Variants in TP53I3 observed in about 807,000 individuals in gnomAD.
TP53I3 encodes quinone oxidoreductase PIG3.
In TP53I3, 32 loss-of-function variants were observed where a neutral mutation model predicts 27.7. The ratio of observed to expected loss-of-function variants is 1.16; its 90% CI spans 0.87 to 1.55. The LOEUF (loss-of-function observed/expected upper bound fraction) is 1.55. Among genes scored for constraint, TP53I3 ranks in the 40% most tolerant of loss-of-function variants. The pLI is 0.00. For missense variants in TP53I3, 372 were observed against 412.3 expected (o/e 0.90, Z 0.85); for synonymous variants, 138 against 167.8 (o/e 0.82, Z 1.37).
Position 24,080,762 on chromosome 2 carries a change from G to C in TP53I3, c.619+57C>G. 1 of 1,605,076 alleles carries C rather than the reference G, an allele frequency of 6.2e-7. No homozygotes were observed. The highest frequency in any genetic ancestry group is 8.5e-7 in the Non-Finnish European group (1 of 1,173,104). ...AGCACTGGCAACTTTGAGACTGGTG[G>C]GGCTTTTATTTAATCATCTCTTAAA... On this transcript the variant is annotated intron_variant, in intron 3 of 4. Transcript: ENST00000238721. The surrounding 1 kb of genome is among the most constrained non-coding windows in gnomAD (Gnocchi z 4.7).
Position 24,084,289 on chromosome 2 carries a change from T to A in TP53I3, c.38A>T (p.Glu13Val). 6.2e-7 allele frequency: 1 copy of A among 1,614,126 alleles called. No individual in the cohort carries two copies. Among genetic ancestry groups the A allele is most frequent in the Middle Eastern group, 1.7e-4 (1 of 6,058 alleles). Residue 13 changes from glutamate (E) to valine (V), a missense_variant, in exon 1 of 5, where the codon GAA becomes GTA. By Grantham distance (121) the Glu-to-Val change is moderately radical (BLOSUM62 -2). Coordinates refer to ENST00000238721, the MANE Select transcript of TP53I3 (RefSeq NM_004881.5). This position sits in a 1 kb window ranked among gnomAD's most constrained non-coding sequence, Gnocchi z 8.4. ...GGCCACCTCCTTCACGTAGAGGTTT[T>A]CCGGTCCTCCCGGCTTGTCAAAGTG... Reference protein sequence around the residue: ...AVHFDKPGGPENLYVKEVAKP... With the variant: ...AVHFDKPGGPVNLYVKEVAKP...
chr2:24,077,762 C>T lies in TP53I3; in HGVS notation c.817-1G>A, dbSNP rs1664820689. 3 of 1,612,056 alleles carry T rather than the reference C, an allele frequency of 1.9e-6. No homozygotes were observed. The African/African-American group carries it at 4.0e-5, about 22-fold the overall frequency. ...AAGCATTCACCAGCATTTGCTTGTA[C>T]TAAGACAAGGGAAAGGAGATCATCA... On this transcript the variant is annotated splice_acceptor_variant, in intron 4 of 4. Coordinates refer to ENST00000238721, the MANE Select transcript of TP53I3 (RefSeq NM_004881.5). LOFTEE classifies it high-confidence loss of function. The surrounding 1 kb of genome is among the most constrained non-coding windows in gnomAD (Gnocchi z 5.5).
rs1558362467 is a variant in TP53I3 at position 24,084,207 on chromosome 2, G to C, written c.120C>G (p.Asn40Lys). ...VLLKVAASAL[N>K]RADLMQRQGQ... ...TGGGTACCTGCATTAAGTCCGCCCG[G>C]TTCAGGGCGCTGGCCGCCACCTTCA... The change falls in exon 1 of 5, where the codon AAC becomes AAG. Residue 40 changes from asparagine (N) to lysine (K), a missense_variant. Coordinates refer to ENST00000238721, the MANE Select transcript of TP53I3 (RefSeq NM_004881.5). This position sits in a 1 kb window ranked among gnomAD's most constrained non-coding sequence, Gnocchi z 8.4. The C allele has an allele frequency of 6.2e-7, 1 of 1,613,368 alleles. No individual in the cohort carries two copies. The highest frequency in any genetic ancestry group is 8.5e-7 in the Non-Finnish European group (1 of 1,179,808).
chr2:24,079,295 T>C, intron 4 of TP53I3, 149 bp downstream of exon 4: 2 of 749,064 alleles, frequency 2.7e-6, no homozygotes, highest in Non-Finnish European at 4.3e-6. Context: ...TTCTCTGAAA[T>C]CGGGTTCCCT....
At position 24,083,172 on chromosome 2, in the gene TP53I3, C is replaced by G. The variant is rs750128704; in HGVS notation, c.139-20G>C. The G allele has an allele frequency of 7.0e-6, 11 of 1,579,788 alleles. No individual in the cohort carries two copies. The highest frequency in any genetic ancestry group is 9.5e-6 in the Non-Finnish European group (11 of 1,158,116). ...TTGTCTCTGCAGAGAAAGAAGTGCA[C>G]TAAGTGGTGAGCATGATCAGAAATC... On this transcript the variant is annotated intron_variant, in intron 1 of 4. Transcript: ENST00000238721.
At chr2:24,079,339 A>G in intron 4 of TP53I3, 105 bp downstream of exon 4, 1 of 1,286,032 alleles carries the variant, frequency 7.8e-7, no homozygotes, top group Non-Finnish European at 1.1e-6. Context: ...TCTTCATAGA[A>G]ACTAACCTCC....
At chr2:24,078,480 TAAAAAA>T (rs36089798) in intron 4 of TP53I3, among the ~76,000 whole-genome samples, 2 of 104,954 alleles carry the variant, frequency 1.9e-5, no homozygotes, top group Non-Finnish European at 1.9e-5. Flanking sequence ...CCTGTCTCCA[TAAAAAA>T]AAAAAAAAAA....
At position 24,083,810 on chromosome 2, in the gene TP53I3, C is replaced by T. The variant is rs557394148; in HGVS notation, c.138+379G>A. 9.2e-5 allele frequency among the ~76,000 whole-genome samples: 14 copies of T among 152,286 alleles called. No individual in the cohort carries two copies. The East Asian group carries it at 2.5e-3, about 27-fold the overall frequency. On this transcript the variant is annotated intron_variant, in intron 1 of 4. Transcript: ENST00000238721. ...GACCTCAGCTTGAATCCCAGCTCTT[C>T]TGATTGCTAGTGTCACGGCCTTGGG...
At position 24,077,772 on chromosome 2, in the gene TP53I3, G is replaced by A. The variant is rs745891530; in HGVS notation, c.817-11C>T. On this transcript the variant is annotated splice_polypyrimidine_tract_variant and intron_variant, in intron 4 of 4. Coordinates refer to ENST00000238721, the MANE Select transcript of TP53I3 (RefSeq NM_004881.5). This position sits in a 1 kb window ranked among gnomAD's most constrained non-coding sequence, Gnocchi z 5.5. ...CAGCATTTGCTTGTACTAAGACAAG[G>A]GAAAGGAGATCATCAGCCTGGGGAG... The A allele has an allele frequency of 1.2e-6, 2 of 1,608,494 alleles. No individual in the cohort carries two copies. Among genetic ancestry groups the A allele is most frequent in the African/African-American group, 1.3e-5 (1 of 74,908 alleles).
chr2:24,077,443 CTCTT>C lies in TP53I3; in HGVS notation c.*132_*135del, dbSNP rs1248618097. On this transcript the variant is annotated 3_prime_UTR_variant, in exon 5 of 5. Coordinates refer to ENST00000238721, the MANE Select transcript of TP53I3 (RefSeq NM_004881.5). The surrounding 1 kb of genome is among the most constrained non-coding windows in gnomAD (Gnocchi z 5.5). ...GTCCGCGTGCCACCCTTCCAGTTCA[CTCTT>C]TATTTCCTCATATCAGCTTTAAACG... The C allele has an allele frequency of 2.9e-5, 32 of 1,094,710 alleles. No homozygotes were observed. The highest frequency in any genetic ancestry group is 3.7e-5 in the Non-Finnish European group (30 of 810,824). 67.8% of individuals were successfully genotyped at this position (1,094,710 alleles called of 1,614,324 possible).
intron 4 of TP53I3, chr2:24,078,905 G>A (rs1026314229): frequency 2.6e-5 from 4 of 152,018 alleles, no homozygotes; most frequent in African/African-American, 9.7e-5. Flanking sequence ...ATGAGGTTTT[G>A]CTATGTTGCT....
chr2:24,079,363 G>C, intron 4 of TP53I3, 81 bp downstream of exon 4: 1 of 1,477,852 alleles, frequency 6.8e-7, no homozygotes, highest in Non-Finnish European at 9.3e-7. Flanking sequence ...ATCTAAGGTA[G>C]AGCTTCCTTT....
chr2:24,079,270 A>G lies in TP53I3; in HGVS notation c.816+174T>C, dbSNP rs943564738. On this transcript the variant is annotated intron_variant, in intron 4 of 4. Coordinates refer to ENST00000238721, the MANE Select transcript of TP53I3 (RefSeq NM_004881.5). ...TTTCATGATACTGAAGCTTCTATCAACCAATCTGAATCAGTTCTCTGAAAT... is the reference window on the plus strand; with the variant it reads ...TTTCATGATACTGAAGCTTCTATCAGCCAATCTGAATCAGTTCTCTGAAAT... 7.9e-6 allele frequency: 5 copies of G among 633,250 alleles called. No individual in the cohort carries two copies. The African/African-American group carries it at 9.2e-5, about 12-fold the overall frequency. The allele number at this position is 633,250 out of a possible 1,614,324, so 39.2% of individuals were successfully genotyped here.
At position 24,084,394 on chromosome 2, in the gene TP53I3, G is replaced by A; in HGVS notation, c.-68C>T. 1 of 1,514,330 alleles carries A rather than the reference G, an allele frequency of 6.6e-7. No homozygotes were observed. The highest frequency in any genetic ancestry group is 1.8e-5 in the Admixed American group (1 of 55,050). 93.8% of individuals were successfully genotyped at this position (1,514,330 alleles called of 1,614,324 possible). On this transcript the variant is annotated 5_prime_UTR_variant, in exon 1 of 5. Coordinates refer to ENST00000238721, the MANE Select transcript of TP53I3 (RefSeq NM_004881.5). This position sits in a 1 kb window ranked among gnomAD's most constrained non-coding sequence, Gnocchi z 8.4. ...GGCAGGGCAGGGCAGGACAGGACAG[G>A]GCAGGGCAGGACAGGACAGGGCAGG...
Position 24,077,794 on chromosome 2 carries a change from G to A in TP53I3, c.817-33C>T. On this transcript the variant is annotated intron_variant, in intron 4 of 4. Coordinates refer to ENST00000238721, the MANE Select transcript of TP53I3 (RefSeq NM_004881.5). The surrounding 1 kb of genome is among the most constrained non-coding windows in gnomAD (Gnocchi z 5.5). Reference sequence around the variant, plus strand: ...AAGGGAAAGGAGATCATCAGCCTGGGGAGAGAGCCTCACCCTGCCCTCCTC... The same window carrying A: ...AAGGGAAAGGAGATCATCAGCCTGGAGAGAGAGCCTCACCCTGCCCTCCTC... 6.3e-7 allele frequency: 1 copy of A among 1,592,088 alleles called. No individual in the cohort carries two copies. Among genetic ancestry groups the A allele is most frequent in the Non-Finnish European group, 8.6e-7 (1 of 1,167,192 alleles).
In TP53I3 at chr2:24,084,563, C is replaced by T. The variant is rs1665177101; in HGVS notation, c.-237G>A. 2.1e-6 allele frequency: 1 copy of T among 479,874 alleles called. No individual in the cohort carries two copies. Among genetic ancestry groups the T allele is most frequent in the South Asian group, 3.5e-5 (1 of 28,252 alleles). 29.7% of individuals were successfully genotyped at this position (479,874 alleles called of 1,614,324 possible). A position where few individuals can be genotyped will look rare whatever the true frequency, so the allele number is the denominator to read the frequency against. On this transcript the variant is annotated 5_prime_UTR_variant, in exon 1 of 5. Coordinates refer to ENST00000238721, the MANE Select transcript of TP53I3 (RefSeq NM_004881.5). This position sits in a 1 kb window ranked among gnomAD's most constrained non-coding sequence, Gnocchi z 8.4. ...TGGGAAGTCCTCGGCCGCCTCCAGA[C>T]CGATCCCACCCGGAACACAGATGGG...
intron 4 of TP53I3, among the ~76,000 whole-genome samples, chr2:24,078,119 G>A (rs1664841448): frequency 6.6e-6 from 1 of 152,140 alleles, no homozygotes; most frequent in Non-Finnish European, 1.5e-5. Flanking sequence ...GACTGGAAAC[G>A]GGGCTGCAAT....
chr2:24,077,722 G>C lies in TP53I3; in HGVS notation c.856C>G (p.Leu286Val), dbSNP rs1207847748. Reference protein sequence around the residue: ...MLVNAFTEQILPHFSTEGPQR... With the variant: ...MLVNAFTEQIVPHFSTEGPQR... The stretch of plus-strand genomic sequence containing the variant: ...GGGCCCTCCGTGGAGAAGTGAGGCA[G>C]AATTTGCTCCGTGAAAGCATTCACC... Residue 286 changes from leucine to valine, a missense_variant, in exon 5 of 5, where the codon CTG becomes GTG. Coordinates refer to ENST00000238721, the MANE Select transcript of TP53I3 (RefSeq NM_004881.5). The surrounding 1 kb of genome is among the most constrained non-coding windows in gnomAD (Gnocchi z 5.5). The C allele has an allele frequency of 6.2e-7, 1 of 1,614,024 alleles. No individual in the cohort carries two copies. Among genetic ancestry groups the C allele is most frequent in the Non-Finnish European group, 8.5e-7 (1 of 1,179,954 alleles).
intron 2 of TP53I3, among the ~76,000 whole-genome samples, 182 bp downstream of exon 2, chr2:24,082,703 C>G (rs1665057869): frequency 1.3e-5 from 2 of 152,184 alleles, no homozygotes; most frequent in African/African-American, 4.8e-5. Context: ...TCCAGACCCT[C>G]TATCTGCTAA....
Sources: gnomAD v4.1 joint callset for allele counts (sites outside exome capture counted in the v4.1 genomes callset) on GRCh38, gnomAD v4.1.1 for gene constraint, Gnocchi (gnomAD v3.1) non-coding constraint, MANE v1.5 for transcripts, NCBI Gene and HGNC (gene_info 2026-07-23, HGNC 2026-07-21) for gene names.